ZNF644: variants seen among roughly 807,000 people sequenced by gnomAD.
ZNF644 encodes zinc finger protein 644.
A neutral mutation model predicts 108.0 loss-of-function variants in ZNF644; 20 were observed. The observed-to-expected ratio is 0.19, with a 90% CI of 0.13 to 0.27. ZNF644 has a LOEUF of 0.27. Ranked by LOEUF, ZNF644 falls within the 10% of genes least tolerant of loss-of-function variation. ZNF644 has a pLI of 1.00. For missense variants in ZNF644, 1,338 were observed against 1,548.9 expected, an observed-to-expected ratio of 0.86 and a Z score of 2.29; for synonymous variants, 542 against 539.1, an observed-to-expected ratio of 1.01 and a Z score of -0.08.
At chr1:90,984,634 C>A (rs781173845) in intron 1 of ZNF644, among the ~76,000 whole-genome samples, 1 of 152,178 alleles carries the variant, frequency 6.6e-6, no homozygotes, top group African/African-American at 2.4e-5. Context: ...CTCAAGTGAT[C>A]CACCCGCTTT....
At chr1:90,948,328 G>T (rs1187970728) in intron 2 of ZNF644, among the ~76,000 whole-genome samples, 1 of 152,128 alleles carries the variant, frequency 6.6e-6, no homozygotes, top group Non-Finnish European at 1.5e-5. Flanking sequence ...TATTCCACAG[G>T]ATCAAGGCAC....
chr1:90,952,954 AT>A (rs1290296796), intron 2 of ZNF644, among the ~76,000 whole-genome samples: 1 of 151,706 alleles, frequency 6.6e-6, no homozygotes, highest in East Asian at 1.9e-4. Context: ...GAGAAAAAAA[AT>A]CTTAAAAGCA....
At chr1:90,996,196 T>C (rs1360162656) in intron 1 of ZNF644, among the ~76,000 whole-genome samples, 2 of 152,120 alleles carry the variant, frequency 1.3e-5, no homozygotes, top group African/African-American at 4.8e-5. Context: ...GCCAACTATA[T>C]ACTTAACAAA....
chr1:91,001,486 C>T (rs1658810261), intron 1 of ZNF644, among the ~76,000 whole-genome samples: 2 of 152,150 alleles, frequency 1.3e-5, no homozygotes, highest in Admixed American at 1.3e-4. Flanking sequence ...AATTCAACAG[C>T]CCTTCATGCT....
In ZNF644 at chr1:90,915,846, C is replaced by A. The variant is rs1025293665; in HGVS notation, c.*952G>T. 6.6e-6 allele frequency: 1 copy of A among 152,408 alleles called. No homozygotes were observed. The highest frequency in any genetic ancestry group is 2.4e-5 in the African/African-American group (1 of 41,414). 9.4% of individuals were successfully genotyped at this position (152,408 alleles called of 1,614,324 possible). On this transcript the variant is annotated 3_prime_UTR_variant, in exon 6 of 6. Transcript: ENST00000337393. ...ATTTGGAAGATAATATAAATGAGAA[C>A]GTCTATTCTAAACTGTGTAGTGAGC...
chr1:90,980,988 A>G (rs1025344757), intron 2 of ZNF644, among the ~76,000 whole-genome samples: 1 of 152,164 alleles, frequency 6.6e-6, no homozygotes, highest in African/African-American at 2.4e-5. Context: ...AGAAAAAACT[A>G]CATATATAAG....
chr1:90,923,383 T>C (rs574368551), intron 4 of ZNF644, among the ~76,000 whole-genome samples: 4 of 152,000 alleles, frequency 2.6e-5, no homozygotes, highest in African/African-American at 9.6e-5. Flanking sequence ...AATTGTTAAA[T>C]CCCCACTCTA....
At chr1:90,974,996 A>C (rs497697) in intron 2 of ZNF644, among the ~76,000 whole-genome samples, 20,639 of 152,114 alleles carry the variant, frequency 0.14, 1,442 homozygotes, top group South Asian at 0.16. Flanking sequence ...TCATCCTTTG[A>C]ACATGCTATT....
chr1:90,923,140 A>C (rs1164027231), intron 4 of ZNF644, among the ~76,000 whole-genome samples: 1 of 152,140 alleles, frequency 6.6e-6, no homozygotes, highest in Non-Finnish European at 1.5e-5. Flanking sequence ...ATGGGTGTCC[A>C]ACTTACACAG....
chr1:91,006,265 C>T (rs1659408616), intron 1 of ZNF644, among the ~76,000 whole-genome samples: 1 of 152,038 alleles, frequency 6.6e-6, no homozygotes, highest in African/African-American at 2.4e-5. Context: ...CCTAGCCAAC[C>T]ACGGCGGACA....
intron 1 of ZNF644, among the ~76,000 whole-genome samples, chr1:90,999,833 A>G (rs568508582): frequency 5.3e-5 from 8 of 152,186 alleles, no homozygotes; most frequent in Non-Finnish European, 8.8e-5. Flanking sequence ...AAATAAAGGG[A>G]TGGAAGAAGA....
intron 2 of ZNF644, among the ~76,000 whole-genome samples, chr1:90,965,339 A>T (rs1410246452): frequency 6.6e-6 from 1 of 152,076 alleles, no homozygotes; most frequent in African/African-American, 2.4e-5. Context: ...GTCTCTTCAC[A>T]TCGTCTTCCT....
At chr1:90,949,115 G>C (rs1229736869) in intron 2 of ZNF644, among the ~76,000 whole-genome samples, 1 of 151,800 alleles carries the variant, frequency 6.6e-6, no homozygotes, top group African/African-American at 2.4e-5. Context: ...CTGTAAATCT[G>C]TAATAATCTA....
At chr1:91,014,241 T>C (rs185803421) in intron 1 of ZNF644, among the ~76,000 whole-genome samples, 2 of 152,300 alleles carry the variant, frequency 1.3e-5, no homozygotes, top group East Asian at 3.9e-4. Flanking sequence ...CAATATTAAC[T>C]ATAGTTACTA....
At chr1:90,988,175 T>A (rs1039350816) in intron 1 of ZNF644, among the ~76,000 whole-genome samples, 1 of 151,902 alleles carries the variant, frequency 6.6e-6, no homozygotes, top group East Asian at 1.9e-4. Flanking sequence ...AGAAAAAAAA[T>A]GTTAGAAGTA....
At chr1:90,993,343 T>C (rs774765212) in intron 1 of ZNF644, among the ~76,000 whole-genome samples, 5 of 149,038 alleles carry the variant, frequency 3.4e-5, no homozygotes, top group Admixed American at 6.9e-5. Context: ...GGCCAGTCAA[T>C]GCCCAAATAT....
chr1:90,980,953 T>A (rs188348095), intron 2 of ZNF644, among the ~76,000 whole-genome samples: 88 of 152,256 alleles, frequency 5.8e-4, no homozygotes, highest in Non-Finnish European at 1.0e-3. Flanking sequence ...TTACCATATA[T>A]ATGTAAACTA....
chr1:90,960,413 G>A lies in ZNF644; in HGVS notation c.45-19104C>T, dbSNP rs146672374. The stretch of plus-strand genomic sequence containing the variant: ...ATGGGTGAAAGACATGAACAGAAAC[G>A]TGTCTGACTGACAGCAATAAGGTTT... On this transcript the variant is annotated intron_variant, in intron 2 of 5. Transcript: ENST00000337393. 2.0e-3 allele frequency among the ~76,000 whole-genome samples: 309 copies of A among 152,248 alleles called. 1 individual carries two copies. Among genetic ancestry groups the A allele is most frequent in the Non-Finnish European group, 3.4e-3 (234 of 67,998 alleles).
chr1:91,003,983 GA>G (rs1481417485), intron 1 of ZNF644, among the ~76,000 whole-genome samples: 1 of 151,980 alleles, frequency 6.6e-6, no homozygotes, highest in Non-Finnish European at 1.5e-5. Flanking sequence ...CAGCAAACCT[GA>G]AAATAGATCA....
Sources: gnomAD v4.1 joint callset for allele counts (sites outside exome capture counted in the v4.1 genomes callset) on GRCh38, gnomAD v4.1.1 for gene constraint, MANE v1.5 for transcripts, NCBI Gene and HGNC (gene_info 2026-07-23, HGNC 2026-07-21) for gene names.